The following DPP10 variants were observed in gnomAD, a reference collection of about 807,000 sequenced individuals.
DPP10 encodes the protein dipeptidyl peptidase like 10.
In DPP10, 33 loss-of-function variants were observed where a neutral mutation model predicts 120.9. The observed-to-expected ratio is 0.27, with a 90% CI of 0.21 to 0.37. DPP10 has a LOEUF of 0.37. Ranked by LOEUF, DPP10 falls within the 10% of genes least tolerant of loss-of-function variation. DPP10 has a pLI of 1.00. For missense variants in DPP10, 816 were observed against 942.8 expected (o/e 0.87, Z 1.76); for synonymous variants, 337 against 326.1 (o/e 1.03, Z -0.36).
At chr2:114,531,119 C>T (rs1685939473) in intron 1 of DPP10, among the ~76,000 whole-genome samples, 1 of 152,126 alleles carries the variant, frequency 6.6e-6, no homozygotes, top group African/African-American at 2.4e-5. Flanking sequence ...TGGAATGTCT[C>T]TTCCTCAAAC....
intron 1 of DPP10, among the ~76,000 whole-genome samples, chr2:114,802,042 T>C (rs1455250122): frequency 1.3e-5 from 2 of 152,200 alleles, no homozygotes; most frequent in Admixed American, 6.5e-5. Flanking sequence ...GCATTAGACA[T>C]AGAAGAGTTA....
At chr2:115,652,725 C>T (rs1329317420) in intron 5 of DPP10, among the ~76,000 whole-genome samples, 2 of 151,776 alleles carry the variant, frequency 1.3e-5, no homozygotes, top group Admixed American at 6.6e-5. Flanking sequence ...AGCGAATCAT[C>T]TCTTATTCTG....
intron 1 of DPP10, among the ~76,000 whole-genome samples, chr2:115,180,802 T>C (rs1056747700): frequency 1.3e-5 from 2 of 152,190 alleles, no homozygotes; most frequent in Non-Finnish European, 2.9e-5. Flanking sequence ...AAATGTCCTT[T>C]CTGCTTATTT....
intron 21 of DPP10, among the ~76,000 whole-genome samples, chr2:115,820,799 A>ATGTGTGTGTG (rs869085100): frequency 0.019 from 1,979 of 105,520 alleles, 24 homozygotes; most frequent in East Asian, 0.037. Context: ...TCCATGGTGT[A>ATGTGTGTGTG]TGTGTGTGTG....
chr2:115,016,081 G>A (rs1303966838), intron 1 of DPP10, among the ~76,000 whole-genome samples: 1 of 152,132 alleles, frequency 6.6e-6, no homozygotes, highest in African/African-American at 2.4e-5. Flanking sequence ...GAAGCATCAC[G>A]CTTCCTGACT....
At chr2:115,301,987 G>T (rs1476603227) in intron 1 of DPP10, among the ~76,000 whole-genome samples, 1 of 151,974 alleles carries the variant, frequency 6.6e-6, no homozygotes, top group East Asian at 1.9e-4. Context: ...AATTTATGAA[G>T]AAAAGAGTTT....
At chr2:115,548,883 C>T (rs1214190259) in intron 5 of DPP10, among the ~76,000 whole-genome samples, 2 of 152,072 alleles carry the variant, frequency 1.3e-5, no homozygotes. Context: ...TGTAATTATC[C>T]TCTTCTCTCA....
chr2:114,566,234 G>A, intron 1 of DPP10, among the ~76,000 whole-genome samples: 1 of 152,152 alleles, frequency 6.6e-6, no homozygotes, highest in East Asian at 1.9e-4. Context: ...TCTGGGCTCA[G>A]GGACCAGCAA....
intron 19 of DPP10, among the ~76,000 whole-genome samples, chr2:115,808,933 G>A (rs1210244942): frequency 6.6e-6 from 1 of 152,152 alleles, no homozygotes; most frequent in Non-Finnish European, 1.5e-5. Context: ...GAACAACCTT[G>A]ATCGAATCAA....
intron 3 of DPP10, chr2:115,468,653 C>T (rs2074484670): frequency 5.5e-6 from 2 of 362,076 alleles, no homozygotes; most frequent in East Asian, 6.9e-5. Flanking sequence ...CTGATCTCTA[C>T]TTCTACAGAG....
chr2:114,923,677 A>G (rs1488176891), intron 1 of DPP10, among the ~76,000 whole-genome samples: 1 of 145,502 alleles, frequency 6.9e-6, no homozygotes, highest in Non-Finnish European at 1.5e-5. Flanking sequence ...ATGGGGTTTC[A>G]CTGTGGTCTC....
chr2:115,384,906 A>T (rs1168682784), intron 3 of DPP10, among the ~76,000 whole-genome samples: 2 of 152,178 alleles, frequency 1.3e-5, no homozygotes, highest in Admixed American at 1.3e-4. Context: ...GTGGGAGATA[A>T]TTTGAATCCT....
chr2:115,805,288 T>C (rs1159382163), intron 19 of DPP10, among the ~76,000 whole-genome samples: 2 of 151,994 alleles, frequency 1.3e-5, no homozygotes, highest in African/African-American at 4.8e-5. Context: ...AAAAGCAAAG[T>C]ATTAGGGTGG....
intron 1 of DPP10, among the ~76,000 whole-genome samples, chr2:115,006,772 G>C (rs1055476316): frequency 2.6e-5 from 4 of 151,972 alleles, no homozygotes; most frequent in Admixed American, 2.0e-4. Flanking sequence ...AATAATTGGA[G>C]ACTTTAACAC....
chr2:114,715,970 A>G (rs1701322314), intron 1 of DPP10, among the ~76,000 whole-genome samples: 1 of 152,016 alleles, frequency 6.6e-6, no homozygotes, highest in African/African-American at 2.4e-5. Flanking sequence ...TGGTGTCAAT[A>G]CCTGGTTTTT....
intron 5 of DPP10, among the ~76,000 whole-genome samples, chr2:115,638,600 G>C (rs2086539848): frequency 6.6e-6 from 1 of 152,146 alleles, no homozygotes; most frequent in Admixed American, 6.6e-5. Context: ...AGGATTCTGT[G>C]TATTTTCCCT....
At chr2:115,701,967 G>A (rs551300535) in intron 7 of DPP10, among the ~76,000 whole-genome samples, 11 of 152,082 alleles carry the variant, frequency 7.2e-5, no homozygotes, top group African/African-American at 2.2e-4. Context: ...TAATTCCATC[G>A]CAGTAAGTAG....
intron 1 of DPP10, among the ~76,000 whole-genome samples, chr2:115,093,694 A>C (rs1407286318): frequency 6.6e-6 from 1 of 152,088 alleles, no homozygotes; most frequent in African/African-American, 2.4e-5. Context: ...CTGACTCATA[A>C]GTGGTGGGCC....
In DPP10 at chr2:115,247,455, G is replaced by T. The variant is rs2058583641; in HGVS notation, c.61-61784G>T. ...AAACATATGATGTAAATTCTTGAATGATATTTATCTCGGAGAATCAGGAGA... is the reference window on the plus strand; with the variant it reads ...AAACATATGATGTAAATTCTTGAATTATATTTATCTCGGAGAATCAGGAGA... On this transcript the variant is annotated intron_variant, in intron 1 of 25. Coordinates refer to ENST00000410059, the MANE Select transcript of DPP10 (RefSeq NM_020868.6). 2.0e-5 allele frequency among the ~76,000 whole-genome samples: 3 copies of T among 152,120 alleles called. No homozygotes were observed. The East Asian group carries it at 5.8e-4, about 29-fold the overall frequency.
Sources: allele counts gnomAD v4.1 joint callset (sites outside exome capture counted in the v4.1 genomes callset), GRCh38; gene constraint gnomAD v4.1.1; transcripts MANE v1.5; gene names NCBI Gene and HGNC (gene_info 2026-07-23, HGNC 2026-07-21).